Variants in WDR59 observed in about 807,000 individuals in gnomAD.
WDR59 encodes the protein GATOR2 complex protein WDR59.
WDR59 carries 100 observed loss-of-function variants against 131.2 expected under a neutral mutation model. That is an observed-to-expected ratio of 0.76 (90% confidence interval 0.65 to 0.90). WDR59 has a LOEUF of 0.90. WDR59 is among the 40% of genes least tolerant of loss of function. The pLI is 0.00. For missense variants in WDR59, 1,203 were observed against 1,262.2 expected, an observed-to-expected ratio of 0.95 and a Z score of 0.71; for synonymous variants, 601 against 466.2, an observed-to-expected ratio of 1.29 and a Z score of -3.72.
At chr16:74,905,640 C>T (rs553364561) in intron 17 of WDR59, among the ~76,000 whole-genome samples, 3 of 151,638 alleles carry the variant, frequency 2.0e-5, no homozygotes, top group African/African-American at 7.3e-5. Context: ...CAAGATTGCA[C>T]CACTGCACTC....
chr16:74,890,489 G>C (rs372197275), intron 20 of WDR59, among the ~76,000 whole-genome samples: 2 of 152,070 alleles, frequency 1.3e-5, no homozygotes, highest in South Asian at 4.2e-4. Context: ...TCAGTAAGTT[G>C]GGTTGGCAGG....
intron 19 of WDR59, 107 bp from the exon 20 acceptor site, chr16:74,892,672 C>T: frequency 1.0e-6 from 1 of 956,458 alleles, no homozygotes; most frequent in Non-Finnish European, 1.6e-6. Flanking sequence ...GGTTATCACT[C>T]AAAATGTTTT....
At chr16:74,877,717 G>T (rs1036238127) in intron 25 of WDR59, among the ~76,000 whole-genome samples, 2 of 152,090 alleles carry the variant, frequency 1.3e-5, no homozygotes, top group African/African-American at 4.8e-5. Flanking sequence ...GCTAATTTCT[G>T]TATTTTTAGT....
rs1291287733 is a variant in WDR59 at position 74,938,210 on chromosome 16, C to G, written c.591G>C (p.Leu197=). ...LAAHLSKIHG[L]DWHPDSEHIL... Reference sequence around the variant, plus strand: ...TGTGCTCGCTGTCTGGGTGCCAGTCCAGGCCATGGATTTTGGAGAGGTGGG... The same window carrying G: ...TGTGCTCGCTGTCTGGGTGCCAGTCGAGGCCATGGATTTTGGAGAGGTGGG... The change falls in exon 8 of 26, where the codon CTG becomes CTC. Residue 197 remains leucine (L), a synonymous_variant. Coordinates refer to ENST00000262144, the MANE Select transcript of WDR59 (RefSeq NM_030581.4). 1.3e-6 allele frequency: 2 copies of G among 1,568,762 alleles called. No homozygotes were observed. Among genetic ancestry groups the G allele is most frequent in the Admixed American group, 1.9e-5 (1 of 54,036 alleles).
intron 7 of WDR59, among the ~76,000 whole-genome samples, chr16:74,941,772 G>C (rs951283577): frequency 6.6e-5 from 10 of 152,052 alleles, no homozygotes; most frequent in Non-Finnish European, 7.4e-5. Flanking sequence ...TAAGGCAGAG[G>C]GCTTCTGCCA....
intron 8 of WDR59, among the ~76,000 whole-genome samples, chr16:74,928,268 T>C (rs955981728): frequency 6.9e-6 from 1 of 145,194 alleles, no homozygotes; most frequent in African/African-American, 2.6e-5. Context: ...GGCTGAAGTA[T>C]AGTGACAGGA....
At chr16:74,921,872 T>C (rs1032849087) in intron 10 of WDR59, 75 bp downstream of exon 10, 1 of 1,525,796 alleles carries the variant, frequency 6.6e-7, no homozygotes, top group African/African-American at 1.4e-5. Flanking sequence ...TTTACTGGAC[T>C]CCATGGCAAC....
intron 2 of WDR59, among the ~76,000 whole-genome samples, chr16:74,964,435 A>T (rs1420783452): frequency 6.6e-6 from 1 of 151,790 alleles, no homozygotes. Context: ...ACTTTCCCTT[A>T]TCTAGGCACC....
intron 14 of WDR59, 71 bp downstream of exon 14, chr16:74,912,127 A>G (rs1966124238): frequency 1.3e-6 from 2 of 1,599,598 alleles, no homozygotes; most frequent in African/African-American, 2.7e-5. Context: ...TGGAGTTTTC[A>G]TTCTTCTTTA....
In WDR59 at chr16:74,943,942, T is replaced by C. The variant is rs139816642; in HGVS notation, c.446-1116A>G. On this transcript the variant is annotated intron_variant, in intron 6 of 25. Coordinates refer to ENST00000262144, the MANE Select transcript of WDR59 (RefSeq NM_030581.4). The stretch of plus-strand genomic sequence containing the variant: ...GGTATCTTATGTCATCTAGAACAAA[T>C]GGTGGAGACCAGTGAAGATGAAGCA... Among the ~76,000 whole-genome samples the C allele has an allele frequency of 4.1e-4, 62 of 152,318 alleles. No homozygotes were observed. In the East Asian group the frequency reaches 0.011, roughly 27 times the overall value.
At chr16:74,964,079 T>A (rs756377728) in intron 2 of WDR59, among the ~76,000 whole-genome samples, 3 of 151,624 alleles carry the variant, frequency 2.0e-5, no homozygotes, top group Non-Finnish European at 4.4e-5. Flanking sequence ...AAGATCATGT[T>A]GAAAAATAGT....
At chr16:74,974,142 C>G (rs923917833) in intron 1 of WDR59, among the ~76,000 whole-genome samples, 1 of 152,166 alleles carries the variant, frequency 6.6e-6, no homozygotes. Flanking sequence ...TGCACTCCAA[C>G]ATGGGCGAAA....
In WDR59 at chr16:74,886,360, C is replaced by A; in HGVS notation, c.2456G>T (p.Gly819Val). 2 of 1,613,800 alleles carry A rather than the reference C, an allele frequency of 1.2e-6. No homozygotes were observed. The highest frequency in any genetic ancestry group is 1.7e-6 in the Non-Finnish European group (2 of 1,179,952). The stretch of plus-strand genomic sequence containing the variant: ...GCGGAGCTCTTCTGGTGAGGATTCT[C>A]CCCAAGGGGAGGACAAGTGCTCTGC... ...REAEHLSSPW[G>V]ESSPEELRFG... Residue 819 changes from glycine (G) to valine (V), a missense_variant, in exon 24 of 26, where the codon GGA becomes GTA. Gly to Val is a moderately radical substitution (Grantham distance 109). Coordinates refer to ENST00000262144, the MANE Select transcript of WDR59 (RefSeq NM_030581.4).
chr16:74,926,449 A>C (rs544595017), intron 8 of WDR59, among the ~76,000 whole-genome samples: 1 of 152,304 alleles, frequency 6.6e-6, no homozygotes, highest in African/African-American at 2.4e-5. Context: ...AATTTCCCCA[A>C]AGTGAGGATG....
chr16:74,945,248 G>A (rs949654305), intron 6 of WDR59, among the ~76,000 whole-genome samples: 10 of 152,042 alleles, frequency 6.6e-5, no homozygotes, highest in Admixed American at 2.6e-4. Context: ...AGGCCGAGGC[G>A]GGTGGATCAT....
intron 24 of WDR59, 71 bp downstream of exon 24, chr16:74,886,199 T>C: frequency 1.9e-6 from 2 of 1,053,246 alleles, no homozygotes; most frequent in Non-Finnish European, 2.7e-6. Context: ...AAGTAAGAGT[T>C]GTGATTGTGG....
chr16:74,914,795 T>C (rs1422751295), intron 13 of WDR59, among the ~76,000 whole-genome samples: 2 of 152,164 alleles, frequency 1.3e-5, no homozygotes, highest in Admixed American at 1.3e-4. Context: ...GGTTTTACCA[T>C]GTTGGCCAAG....
At chr16:74,882,049 T>C (rs1964512211) in intron 25 of WDR59, among the ~76,000 whole-genome samples, 1 of 152,198 alleles carries the variant, frequency 6.6e-6, no homozygotes, top group South Asian at 2.1e-4. Context: ...CCTGAGTTTA[T>C]ACTTCATTCT....
At chr16:74,964,908 C>CA (rs900861758) in intron 2 of WDR59, among the ~76,000 whole-genome samples, 2 of 151,924 alleles carry the variant, frequency 1.3e-5, no homozygotes, top group African/African-American at 4.8e-5. Flanking sequence ...GCTAAAAATA[C>CA]AAAAAATGAG....
Sources: allele counts gnomAD v4.1 joint callset (sites outside exome capture counted in the v4.1 genomes callset), GRCh38; gene constraint gnomAD v4.1.1; transcripts MANE v1.5; gene names NCBI Gene and HGNC (gene_info 2026-07-23, HGNC 2026-07-21).